The following POLH variants were observed in gnomAD, a reference collection of about 807,000 sequenced individuals.
POLH encodes DNA polymerase eta transcript.
A neutral mutation model predicts 73.6 loss-of-function variants in POLH; 53 were observed. The ratio of observed to expected loss-of-function variants is 0.72; its 90% CI spans 0.58 to 0.91. POLH has a LOEUF of 0.91. POLH is among the 40% of genes least tolerant of loss of function. POLH has a pLI of 0.00. For synonymous variants in POLH, 292 were observed against 308.5 expected (o/e 0.95, Z 0.56); for missense variants, 768 against 865.4 (o/e 0.89, Z 1.41).
intron 10 of POLH, among the ~76,000 whole-genome samples, chr6:43,612,871 C>T (rs10948082): frequency 0.02 from 2,889 of 146,884 alleles, 109 homozygotes; most frequent in African/African-American, 0.067. Context: ...GCGCAATCTC[C>T]GCTCACTGCA....
At chr6:43,609,142 C>T (rs949213427) in intron 9 of POLH, among the ~76,000 whole-genome samples, 1 of 152,126 alleles carries the variant, frequency 6.6e-6, no homozygotes, top group African/African-American at 2.4e-5. Flanking sequence ...CAGCAGCCTC[C>T]ATCACTCTCT....
intron 4 of POLH, among the ~76,000 whole-genome samples, chr6:43,596,412 G>A (rs1449016034): frequency 6.6e-6 from 1 of 151,908 alleles, no homozygotes; most frequent in Non-Finnish European, 1.5e-5. Context: ...GAACCCGGCA[G>A]GCAGAGCTTG....
Position 43,584,112 on chromosome 6 carries a change from C to T in POLH, c.272+971C>T, listed in dbSNP as rs9333514. Among the ~76,000 whole-genome samples the T allele has an allele frequency of 5.5e-3, 833 of 152,234 alleles. 8 individuals are homozygous for T. Among genetic ancestry groups the T allele is most frequent in the African/African-American group, 0.019 (771 of 41,528 alleles). On this transcript the variant is annotated intron_variant, in intron 3 of 10. Transcript: ENST00000372236. Reference sequence around the variant, plus strand: ...GGGCCCAGATCACACCACTGCACTCCGGTCTGGGTGACAGAGTGAGACCCT... The same window carrying T: ...GGGCCCAGATCACACCACTGCACTCTGGTCTGGGTGACAGAGTGAGACCCT...
chr6:43,595,358 A>G (rs1410076570), intron 4 of POLH, among the ~76,000 whole-genome samples: 2 of 151,872 alleles, frequency 1.3e-5, no homozygotes, highest in Non-Finnish European at 1.5e-5. Context: ...GCTGGTCTCA[A>G]ACTCCTGACC....
chr6:43,584,607 G>A (rs1023159832), intron 3 of POLH, among the ~76,000 whole-genome samples: 2 of 152,116 alleles, frequency 1.3e-5, no homozygotes, highest in African/African-American at 2.4e-5. Flanking sequence ...GCATGTCCTC[G>A]CACTCAATTC....
chr6:43,603,864 A>T, intron 6 of POLH, 28 bp from the exon 7 acceptor site: 2 of 1,611,954 alleles, frequency 1.2e-6, no homozygotes, highest in Non-Finnish European at 1.7e-6. Flanking sequence ...GATGTGACCT[A>T]TCAATTCTTT....
chr6:43,614,071 C>A lies in POLH; in HGVS notation c.1656C>A (p.Pro552=), dbSNP rs148589983. 5 of 1,614,206 alleles carry A rather than the reference C, an allele frequency of 3.1e-6. No individual in the cohort carries two copies. The highest frequency in any genetic ancestry group is 3.3e-4 in the Middle Eastern group (2 of 6,062). ...KQLNNSSVSS[P]QQNPWSNCKA... Reference sequence around the variant, plus strand: ...TTAATAATTCTTCAGTTTCTTCCCCCCAACAAAACCCATGGTCCAACTGTA... The same window carrying A: ...TTAATAATTCTTCAGTTTCTTCCCCACAACAAAACCCATGGTCCAACTGTA... Residue 552 remains proline (P), a synonymous_variant, in exon 11 of 11, where the codon CCC becomes CCA. Coordinates refer to ENST00000372236, the MANE Select transcript of POLH (RefSeq NM_006502.3).
intron 8 of POLH, 94 bp downstream of exon 8, chr6:43,604,832 C>A (rs1767100781): frequency 7.7e-7 from 1 of 1,296,416 alleles, no homozygotes; most frequent in South Asian, 1.2e-5. Flanking sequence ...TTAGAGGAGA[C>A]CTTTATAAAG....
chr6:43,618,649 T>C lies in POLH; in HGVS notation c.*4092T>C, dbSNP rs1035991946. ...ATATACCCAAACTTCTATTTTTTTATGTGACGGAGTTTCTCTCATCGCCCC... is the reference window on the plus strand; with the variant it reads ...ATATACCCAAACTTCTATTTTTTTACGTGACGGAGTTTCTCTCATCGCCCC... On this transcript the variant is annotated 3_prime_UTR_variant, in exon 11 of 11. Transcript: ENST00000372236. Among the ~76,000 whole-genome samples, 5 of 152,160 alleles carry C rather than the reference T, an allele frequency of 3.3e-5. No homozygotes were observed. Among genetic ancestry groups the C allele is most frequent in the African/African-American group, 1.2e-4 (5 of 41,440 alleles).
At chr6:43,582,564 G>C in intron 2 of POLH, 108 bp downstream of exon 2, 1 of 1,140,112 alleles carries the variant, frequency 8.8e-7, no homozygotes, top group Non-Finnish European at 1.3e-6. Flanking sequence ...GCCTTTCTCT[G>C]TTGTCCCATC....
chr6:43,620,053 A>G lies in POLH; in HGVS notation c.*5496A>G, dbSNP rs140386222. Reference sequence around the variant, plus strand: ...AGGAGCAGGGACTAAGGTTTGGTCAAGTGGCCCTCATTGTTCCAAGAGTAA... The same window carrying G: ...AGGAGCAGGGACTAAGGTTTGGTCAGGTGGCCCTCATTGTTCCAAGAGTAA... On this transcript the variant is annotated 3_prime_UTR_variant, in exon 11 of 11. Transcript: ENST00000372236. 1 of 293,640 alleles carries G rather than the reference A, an allele frequency of 3.4e-6. No homozygotes were observed. Among genetic ancestry groups the G allele is most frequent in the East Asian group, 1.4e-4 (1 of 7,096 alleles). The allele number at this position is 293,640 out of a possible 1,614,324, so 18.2% of individuals were successfully genotyped here.
At chr6:43,609,058 C>G (rs78183676) in intron 9 of POLH, among the ~76,000 whole-genome samples, 1 of 152,188 alleles carries the variant, frequency 6.6e-6, no homozygotes, top group East Asian at 1.9e-4. Context: ...TTAATATTTG[C>G]TTCCTTGATT....
At chr6:43,612,331 G>A (rs976083013) in intron 10 of POLH, among the ~76,000 whole-genome samples, 1 of 150,788 alleles carries the variant, frequency 6.6e-6, no homozygotes, top group Non-Finnish European at 1.5e-5. Context: ...CATGAAACCT[G>A]AGGATATTGG....
intron 9 of POLH, among the ~76,000 whole-genome samples, chr6:43,608,494 C>G (rs937880615): frequency 2.6e-5 from 4 of 152,194 alleles, no homozygotes; most frequent in African/African-American, 9.7e-5. Context: ...TGTTTCTCAT[C>G]TCTCTCTAAG....
chr6:43,606,770 T>C (rs183393224), intron 9 of POLH, among the ~76,000 whole-genome samples: 6 of 152,296 alleles, frequency 3.9e-5, no homozygotes, highest in Middle Eastern at 3.4e-3. Flanking sequence ...ACATATACTT[T>C]ACATACCACA....
At chr6:43,576,712 A>G (rs1763384799) in intron 1 of POLH, among the ~76,000 whole-genome samples, 1 of 152,180 alleles carries the variant, frequency 6.6e-6, no homozygotes, top group Admixed American at 6.5e-5. Context: ...GGATTGGGGT[A>G]ACTCGAGATG....
Position 43,598,146 on chromosome 6 carries a change from C to T in POLH, c.660+281C>T, listed in dbSNP as rs541030892. Among the ~76,000 whole-genome samples the T allele has an allele frequency of 6.1e-5, 9 of 146,690 alleles. No individual in the cohort carries two copies. The South Asian group carries it at 6.4e-4, about 10-fold the overall frequency. On this transcript the variant is annotated intron_variant, in intron 5 of 10. Transcript: ENST00000372236. ...GCTGAGTCCAGGAGGTTGAAGCTGC[C>T]GTGAGCCGAAATCATACTACTGTAC...
At chr6:43,607,220 G>A (rs369681964) in intron 9 of POLH, among the ~76,000 whole-genome samples, 5 of 152,114 alleles carry the variant, frequency 3.3e-5, no homozygotes, top group Non-Finnish European at 7.4e-5. Context: ...TTAGCCTCCC[G>A]AGTAGCTGGG....
chr6:43,582,484 A>G, intron 2 of POLH, 28 bp downstream of exon 2: 1 of 1,608,122 alleles, frequency 6.2e-7, no homozygotes. Context: ...TGTCACAACT[A>G]TTCAATGGTA....
Sources: allele counts gnomAD v4.1 joint callset (sites outside exome capture counted in the v4.1 genomes callset), GRCh38; gene constraint gnomAD v4.1.1; transcripts MANE v1.5; gene names NCBI Gene and HGNC (gene_info 2026-07-23, HGNC 2026-07-21).